Variants in LRP2 observed in about 807,000 individuals in gnomAD.
The protein encoded by LRP2 is low-density lipoprotein receptor-related protein 2.
Under a neutral mutation model 531.0 loss-of-function variants are expected in LRP2, and 172 were observed. That is an observed-to-expected ratio of 0.32 (90% CI 0.29 to 0.37). LRP2 has a LOEUF of 0.37. LRP2 is among the 10% of genes least tolerant of loss of function. LRP2 has a pLI of 1.00. For missense variants in LRP2, 5,167 were observed against 5,868.3 expected (o/e 0.88, Z 3.90); for synonymous variants, 1,992 against 2,027.6 (o/e 0.98, Z 0.47).
intron 3 of LRP2, among the ~76,000 whole-genome samples, chr2:169,315,877 A>C (rs1684746548): frequency 6.7e-6 from 1 of 149,370 alleles, no homozygotes; most frequent in African/African-American, 2.5e-5. Context: ...TCATCCCAGC[A>C]CTTGGGGGGC....
chr2:169,181,308 T>C, intron 52 of LRP2, 140 bp downstream of exon 52: 1 of 759,958 alleles, frequency 1.3e-6, no homozygotes, highest in South Asian at 1.6e-5. Context: ...GCAGTTTTAG[T>C]TAGAAGTGTG....
Position 169,256,220 on chromosome 2 carries a change from A to G in LRP2, c.2656T>C (p.Trp886Arg). 1 of 1,612,694 alleles carries G rather than the reference A, an allele frequency of 6.2e-7. No individual in the cohort carries two copies. Among genetic ancestry groups the G allele is most frequent in the Non-Finnish European group, 8.5e-7 (1 of 1,178,960 alleles). Residue 886 changes from tryptophan (W) to arginine (R), a missense_variant, in exon 19 of 79, where the codon TGG (tryptophan) becomes CGG (arginine). Physicochemically the swap from Trp to Arg is moderately radical, Grantham distance 101. This residue lies in a region of LRP2 where 2,811 missense variants were observed against 3,058.0 expected (regional missense o/e 0.92). Transcript: ENST00000649046. ...ATTTTATCAAAATAGGCATCTACCC[A>G]GTACAATCGTGAAGCACTAAAATAA... ...AIDWAASRLY[W>R]VDAYFDKIEH...
At position 169,275,139 on chromosome 2, in the gene LRP2, C is replaced by T; in HGVS notation, c.1872G>A (p.Val624=). The change falls in exon 14 of 79, where the codon GTG becomes GTA. Residue 624 remains valine, a synonymous_variant. Transcript: ENST00000649046. ...VFFTDWTKMA[V]LKANKFTETN... ...TCTCTGTGAACTTGTTTGCCTTCAG[C>T]ACGGCCATCTTTGTCCAATCTGTAA... 6.2e-7 allele frequency: 1 copy of T among 1,613,784 alleles called. No homozygotes were observed. Among genetic ancestry groups the T allele is most frequent in the Non-Finnish European group, 8.5e-7 (1 of 1,179,858 alleles).
intron 77 of LRP2, among the ~76,000 whole-genome samples, chr2:169,132,127 AGT>A (rs1685314664): frequency 6.6e-6 from 1 of 152,218 alleles, no homozygotes; most frequent in South Asian, 2.1e-4. Flanking sequence ...AGTGCCATCT[AGT>A]GGTAAAGATC....
intron 77 of LRP2, among the ~76,000 whole-genome samples, chr2:169,131,435 A>G (rs1188585153): frequency 6.6e-6 from 1 of 152,250 alleles, no homozygotes; most frequent in Non-Finnish European, 1.5e-5. Context: ...GAGACTGCCA[A>G]GTTACCAAGA....
At chr2:169,200,053 A>C (rs538331057) in intron 44 of LRP2, among the ~76,000 whole-genome samples, 1 of 152,166 alleles carries the variant, frequency 6.6e-6, no homozygotes. Context: ...GATCGAGACC[A>C]TCCTGGCTAA....
intron 4 of LRP2, among the ~76,000 whole-genome samples, chr2:169,300,295 G>T (rs757875051): frequency 6.6e-6 from 1 of 152,094 alleles, no homozygotes; most frequent in Non-Finnish European, 1.5e-5. Context: ...AAAAGGTAAA[G>T]AGTAACTGTG....
At chr2:169,225,100 T>C (rs538599279) in intron 33 of LRP2, among the ~76,000 whole-genome samples, 1 of 151,572 alleles carries the variant, frequency 6.6e-6, no homozygotes, top group African/African-American at 2.4e-5. Flanking sequence ...AAAAAAAAAA[T>C]AAATAAATAA....
rs927460259 is a variant in LRP2, at chr2:169,207,010, C to T, written c.6710G>A (p.Arg2237Gln). The change falls in exon 39 of 79, where the codon CGG (arginine) becomes CAG (glutamine). Residue 2237 changes from arginine to glutamine, a missense_variant. By Grantham distance (43) the Arg-to-Gln change is conservative (BLOSUM62 1). Coordinates refer to ENST00000649046, the MANE Select transcript of LRP2 (RefSeq NM_004525.3). ...VLVSEGIVTPRGLAVDRSDGY... is the reference protein window; with the variant it reads ...VLVSEGIVTPQGLAVDRSDGY... ...ATCACTTCGGTCCACTGCCAAGCCC[C>T]GTGGTGTGACAATGCCCTCTGACAC... 10 of 1,614,040 alleles carry T rather than the reference C, an allele frequency of 6.2e-6. No homozygotes were observed. The highest frequency in any genetic ancestry group is 8.5e-6 in the Non-Finnish European group (10 of 1,180,032).
intron 71 of LRP2, among the ~76,000 whole-genome samples, chr2:169,141,077 C>T (rs1299708267): frequency 1.3e-5 from 2 of 152,176 alleles, no homozygotes; most frequent in Non-Finnish European, 2.9e-5. Flanking sequence ...ACTCCAAGTC[C>T]CTGCTCCCAG....
At chr2:169,137,589 C>T (rs1256929012) in intron 75 of LRP2, 96 bp from the exon 76 acceptor site, 2 of 724,094 alleles carry the variant, frequency 2.8e-6, no homozygotes, top group African/African-American at 3.7e-5. Flanking sequence ...AGAAAGGTGC[C>T]TTCCTCACAC....
At chr2:169,148,687 T>TA (rs768546238) in intron 68 of LRP2, among the ~76,000 whole-genome samples, 37 of 151,658 alleles carry the variant, frequency 2.4e-4, no homozygotes, top group African/African-American at 6.0e-4. Flanking sequence ...TACTCAAAAC[T>TA]AAAAAAAACA....
chr2:169,339,588 C>A (rs1242807689), intron 1 of LRP2, among the ~76,000 whole-genome samples: 1 of 152,142 alleles, frequency 6.6e-6, no homozygotes, highest in African/African-American at 2.4e-5. Context: ...ACATGCTTAA[C>A]TAAATAACAC....
In LRP2 at chr2:169,173,167, C is replaced by T. The variant is rs142884214; in HGVS notation, c.11072G>A (p.Arg3691His). 70 of 1,613,984 alleles carry T rather than the reference C, an allele frequency of 4.3e-5. No individual in the cohort carries two copies. The highest frequency in any genetic ancestry group is 4.7e-5 in the Non-Finnish European group (56 of 1,180,036). Residue 3691 changes from arginine to histidine, a missense_variant, in exon 57 of 79, where the codon CGC (arginine) becomes CAC (histidine). Around this residue, in one of 6 missense-constraint regions of LRP2, gnomAD observed 311 missense variants for 309.4 expected, o/e 1.01. Coordinates refer to ENST00000649046, the MANE Select transcript of LRP2 (RefSeq NM_004525.3). ...FTEFSCKTNY[R>H]CIPKWAVCNG... is the part of the protein sequence containing the mutation. ...GCACACGGCCCACTTTGGGATGCAG[C>T]GGTAATTTGTTTTGCAGCTGAATTC...
intron 1 of LRP2, among the ~76,000 whole-genome samples, chr2:169,344,196 T>C (rs1685638564): frequency 6.6e-6 from 1 of 152,144 alleles, no homozygotes. Context: ...AGCATGCACA[T>C]GCCATGGTGG....
At chr2:169,239,840 T>G (rs1689740423) in intron 25 of LRP2, 65 bp from the exon 26 acceptor site, 1 of 1,390,984 alleles carries the variant, frequency 7.2e-7, no homozygotes, top group Non-Finnish European at 1.0e-6. Flanking sequence ...TGATTCACTC[T>G]TATGCAATAT....
rs1181876229 is a variant in LRP2, at chr2:169,220,458, G to A, written c.5644C>T (p.Arg1882Cys). The change falls in exon 34 of 79, where the codon CGT (arginine) becomes TGT (cysteine). Residue 1882 changes from arginine (R) to cysteine (C), a missense_variant. Coordinates refer to ENST00000649046, the MANE Select transcript of LRP2 (RefSeq NM_004525.3). ...GTGCCATTTATGAATACTCACCCACGAGCAGGATCAACAGTTATGCCAATT... is the reference window on the plus strand; with the variant it reads ...GTGCCATTTATGAATACTCACCCACAAGCAGGATCAACAGTTATGCCAATT... ...FPIGITVDPA[R>C]GKLYWSDQGT... 8.1e-6 allele frequency: 13 copies of A among 1,611,486 alleles called. No homozygotes were observed. The African/African-American group carries it at 9.4e-5, about 12-fold the overall frequency.
At chr2:169,326,149 TCCCTCTCCCTCTCCCTCTCCCTC>T (rs1685045356) in intron 1 of LRP2, among the ~76,000 whole-genome samples, 7 of 66,532 alleles carry the variant, frequency 1.1e-4, no homozygotes, top group African/African-American at 6.1e-4. Flanking sequence ...CCTCTCCCTC[TCCCTCTCCCTCTCCCTCTCCCTC>T]CCCCTCTCCC....
intron 30 of LRP2, among the ~76,000 whole-genome samples, chr2:169,232,142 C>T (rs1245798403): frequency 6.6e-6 from 1 of 151,684 alleles, no homozygotes; most frequent in Admixed American, 6.6e-5. Context: ...TAATCTGGAA[C>T]TTGTAATAGA....
Sources: gnomAD v4.1 joint callset for allele counts (sites outside exome capture counted in the v4.1 genomes callset) on GRCh38, gnomAD v4.1.1 for gene constraint, gnomAD v4.1.1 regional missense constraint, MANE v1.5 for transcripts, NCBI Gene and HGNC (gene_info 2026-07-23, HGNC 2026-07-21) for gene names.